Variants in SRPRA observed in about 807,000 individuals in gnomAD.
The protein encoded by SRPRA is signal recognition particle receptor subunit alpha.
A neutral mutation model predicts 61.1 loss-of-function variants in SRPRA; 30 were observed. The ratio of observed to expected loss-of-function variants is 0.49; its 90% CI spans 0.37 to 0.67. SRPRA has a LOEUF of 0.67. SRPRA is among the 30% of genes least tolerant of loss of function. The probability of loss-of-function intolerance (pLI) is 0.00; values close to 1 mark genes in which losing one functional copy is unlikely to be tolerated. For synonymous variants in SRPRA, 324 were observed against 299.7 expected, an observed-to-expected ratio of 1.08 and a Z score of -0.84; for missense variants, 759 against 828.4, an observed-to-expected ratio of 0.92 and a Z score of 1.03.
At chr11:126,246,524 T>A in the SRPRA span, among the ~76,000 whole-genome samples, 1 of 152,234 alleles carries the variant, frequency 6.6e-6, no homozygotes, top group Non-Finnish European at 1.5e-5. Context: ...TGAGATAATG[T>A]GTATAAAATG....
chr11:126,256,574 T>C, the SRPRA span: 1 of 1,613,466 alleles, frequency 6.2e-7, no homozygotes, highest in Non-Finnish European at 8.5e-7. This position sits in a 1 kb window ranked among gnomAD's most constrained non-coding sequence, Gnocchi z 6.6. Context: ...CAGAGAGAAA[T>C]TCAGAAACTC....
chr11:126,250,844 T>A, the SRPRA span: 29 of 798,648 alleles, frequency 3.6e-5, no homozygotes, highest in East Asian at 7.2e-4. This position sits in a 1 kb window ranked among gnomAD's most constrained non-coding sequence, Gnocchi z 5.1. Context: ...AAAGGAAAAA[T>A]TTTTTCCCTG....
At chr11:126,242,444 T>C in the SRPRA span, among the ~76,000 whole-genome samples, 2 of 150,710 alleles carry the variant, frequency 1.3e-5, no homozygotes, top group Admixed American at 6.6e-5. Flanking sequence ...AAAAAAAAAG[T>C]GAAAAGACAG....
downstream of SRPRA, among the ~76,000 whole-genome samples, chr11:126,258,304 T>C (rs147237600): frequency 3.1e-4 from 47 of 152,262 alleles, no homozygotes; most frequent in African/African-American, 1.0e-3. Flanking sequence ...GGAGGATCAC[T>C]TGAGCCCAGG....
At chr11:126,258,891 G>T (rs908988105), downstream of SRPRA, among the ~76,000 whole-genome samples, 1 of 152,196 alleles carries the variant, frequency 6.6e-6, no homozygotes, top group Non-Finnish European at 1.5e-5. Flanking sequence ...AAGCAGTAAG[G>T]TTCCTTAGTG....
At chr11:126,257,240 A>T in the SRPRA span, among the ~76,000 whole-genome samples, 2 of 152,224 alleles carry the variant, frequency 1.3e-5, no homozygotes, top group African/African-American at 2.4e-5. Context: ...AACTTTTATG[A>T]CCATAAATTA....
chr11:126,259,492 C>T (rs576045537), downstream of SRPRA, among the ~76,000 whole-genome samples: 13 of 141,938 alleles, frequency 9.2e-5, no homozygotes, highest in African/African-American at 3.1e-4. Flanking sequence ...GTGGCACAAT[C>T]TCGGCTCACT....
In SRPRA at chr11:126,265,036, C is replaced by T. The variant is rs114538197; in HGVS notation, c.1448G>A (p.Gly483Asp). Residue 483 changes from glycine to aspartate, a missense_variant, in exon 11 of 14, where the codon GGC becomes GAC. This residue lies in a region of SRPRA where 284 missense variants were observed against 365.9 expected (regional missense o/e 0.78). Coordinates refer to ENST00000332118, the MANE Select transcript of SRPRA (RefSeq NM_003139.4). This position sits in a 1 kb window ranked among gnomAD's most constrained non-coding sequence, Gnocchi z 6.3. ...SALHPPEKHGGRTMVQLFEKG... is the reference protein window; with the variant it reads ...SALHPPEKHGDRTMVQLFEKG... ...TTCAAACAACTGCACCATGGTGCGG[C>T]CACCATGCTTCTCTGGAGGGTGTAG... 9.8e-3 allele frequency: 15,819 copies of T among 1,614,186 alleles called. 98 individuals are homozygous for T. Among genetic ancestry groups the T allele is most frequent in the Non-Finnish European group, 0.012 (14,654 of 1,180,018 alleles).
Position 126,266,043 on chromosome 11 carries a change from A to G in SRPRA, c.971T>C (p.Leu324Pro). ...GCTCTTTGAACCCACAAGGCCCTTC[A>G]GCATACCAAACATGCCACCCAGTGT... ...KGTLGGMFGM[L>P]KGLVGSKSLS... The change falls in exon 8 of 14, where the codon CTG becomes CCG. Residue 324 changes from leucine (L) to proline (P), a missense_variant. Leu to Pro is a moderately conservative substitution (Grantham distance 98). This residue lies in a region of SRPRA where 475 missense variants were observed against 462.5 expected (regional missense o/e 1.03). Transcript: ENST00000332118. The G allele has an allele frequency of 6.2e-7, 1 of 1,614,218 alleles. No individual in the cohort carries two copies. Among genetic ancestry groups the G allele is most frequent in the Non-Finnish European group, 8.5e-7 (1 of 1,180,046 alleles).
chr11:126,266,800 A>ACTCCTCGCGCTTCCTGCGGATCAG lies in SRPRA; in HGVS notation c.625_648dup (p.Leu209_Glu216dup). ...ATACCCCTCCCATGCTTCTGAATGA[A>ACTCCTCGCGCTTCCTGCGGATCAG]CTCCTCGCGCTTCCTGCGGATCAGC... On this transcript the variant is annotated inframe_insertion, in exon 5 of 14. Transcript: ENST00000332118. 1 of 1,613,068 alleles carries ACTCCTCGCGCTTCCTGCGGATCAG rather than the reference A, an allele frequency of 6.2e-7. No homozygotes were observed. Among genetic ancestry groups the ACTCCTCGCGCTTCCTGCGGATCAG allele is most frequent in the South Asian group, 1.1e-5 (1 of 91,030 alleles).
chr11:126,267,018 A>T lies in SRPRA; in HGVS notation c.527-96T>A. ...TCCAAATTGTTCAAAGGAAATTTGG[A>T]CCAAACATCTTGGAGTTCATAAGGC... On this transcript the variant is annotated intron_variant, in intron 4 of 13. Coordinates refer to ENST00000332118, the MANE Select transcript of SRPRA (RefSeq NM_003139.4). The surrounding 1 kb of genome is among the most constrained non-coding windows in gnomAD (Gnocchi z 4.2). The T allele has an allele frequency of 6.5e-7, 1 of 1,538,606 alleles. No homozygotes were observed. Among genetic ancestry groups the T allele is most frequent in the East Asian group, 2.3e-5 (1 of 44,384 alleles).
chr11:126,244,400 T>C, the SRPRA span, among the ~76,000 whole-genome samples: 1 of 152,328 alleles, frequency 6.6e-6, no homozygotes, highest in Middle Eastern at 3.4e-3. This position sits in a 1 kb window ranked among gnomAD's most constrained non-coding sequence, Gnocchi z 4.5. Flanking sequence ...GATCAATATA[T>C]AAAAATAGTA....
the SRPRA span, among the ~76,000 whole-genome samples, chr11:126,248,358 CTTTTTTTTTTT>C: frequency 8.7e-4 from 32 of 36,962 alleles, no homozygotes; most frequent in Middle Eastern, 0.056. Context: ...TAGTAGTTGA[CTTTTTTTTTTT>C]TTTTTTTTTT....
chr11:126,261,496 C>G (rs1447864262), downstream of SRPRA: 7 of 1,603,808 alleles, frequency 4.4e-6, no homozygotes, highest in Non-Finnish European at 6.0e-6. Flanking sequence ...TATACTGTTT[C>G]CTATTCTACT....
intron 6 of SRPRA, 53 bp downstream of exon 6, chr11:126,266,423 T>C (rs926325613): frequency 2.5e-6 from 4 of 1,601,860 alleles, no homozygotes; most frequent in Admixed American, 1.7e-5. Context: ...TCCCACACTC[T>C]ACTTCCTCCC....
rs1371335644 is a variant in SRPRA at position 126,267,060 on chromosome 11, G to A, written c.526+115C>T. 2 of 1,523,926 alleles carry A rather than the reference G, an allele frequency of 1.3e-6. No homozygotes were observed. The highest frequency in any genetic ancestry group is 1.8e-6 in the Non-Finnish European group (2 of 1,128,826). The allele number at this position is 1,523,926 out of a possible 1,614,324, so 94.4% of individuals were successfully genotyped here. On this transcript the variant is annotated intron_variant, in intron 4 of 13. Coordinates refer to ENST00000332118, the MANE Select transcript of SRPRA (RefSeq NM_003139.4). This position sits in a 1 kb window ranked among gnomAD's most constrained non-coding sequence, Gnocchi z 4.2. ...TCATAAGGCCTGGGGATTATAGGATGGTGACCATTTGAGTGAGAAGCAGGT... is the reference window on the plus strand; with the variant it reads ...TCATAAGGCCTGGGGATTATAGGATAGTGACCATTTGAGTGAGAAGCAGGT...
chr11:126,259,208 G>A (rs538248), downstream of SRPRA, among the ~76,000 whole-genome samples: 110,492 of 152,100 alleles, frequency 0.73, 41,226 homozygotes, highest in East Asian at 1. Flanking sequence ...ATAGACTAAT[G>A]AGAGGTTACA....
At chr11:126,249,704 C>G in the SRPRA span, among the ~76,000 whole-genome samples, 1 of 141,506 alleles carries the variant, frequency 7.1e-6, no homozygotes, top group Admixed American at 7.8e-5. Context: ...TGCACTCCAG[C>G]CTGGGTGACA....
chr11:126,255,720 A>G, the SRPRA span, among the ~76,000 whole-genome samples: 4 of 152,248 alleles, frequency 2.6e-5, no homozygotes, highest in Non-Finnish European at 5.9e-5. This position sits in a 1 kb window ranked among gnomAD's most constrained non-coding sequence, Gnocchi z 4.6. Flanking sequence ...TGGGAGGCTG[A>G]GGCAGGCAGA....
Sources: gnomAD v4.1 joint callset for allele counts (sites outside exome capture counted in the v4.1 genomes callset) on GRCh38, gnomAD v4.1.1 for gene constraint, gnomAD v4.1.1 regional missense constraint, Gnocchi (gnomAD v3.1) non-coding constraint, MANE v1.5 for transcripts, NCBI Gene and HGNC (gene_info 2026-07-23, HGNC 2026-07-21) for gene names.